Variants in PTPN21 observed in about 807,000 individuals in gnomAD.
The protein encoded by PTPN21 is tyrosine-protein phosphatase non-receptor type 21.
A neutral mutation model predicts 131.8 loss-of-function variants in PTPN21; 77 were observed. The ratio of observed to expected loss-of-function variants is 0.58; its 90% CI spans 0.49 to 0.71. PTPN21 has a LOEUF of 0.71. Ranked by LOEUF, PTPN21 falls within the 30% of genes least tolerant of loss-of-function variation. The pLI, the probability that PTPN21 is intolerant of heterozygous loss-of-function variation, is 0.00. For synonymous variants in PTPN21, 715 were observed against 621.3 expected, an observed-to-expected ratio of 1.15 and a Z score of -2.24; for missense variants, 1,552 against 1,527.1, an observed-to-expected ratio of 1.02 and a Z score of -0.27.
chr14:88,480,165 G>A lies in PTPN21; in HGVS notation c.1266C>T (p.Thr422=), dbSNP rs2077629058. The A allele has an allele frequency of 1.2e-6, 2 of 1,613,990 alleles. No homozygotes were observed. Among genetic ancestry groups the A allele is most frequent in the African/African-American group, 1.3e-5 (1 of 74,910 alleles). ...PSPMSSNPSI[T]GSDVMRPDYL... ...AGTCAGGCCTCATGACGTCACTCCC[G>A]GTGATGCTAGGGTTGGACGACATCG... The change falls in exon 13 of 19, where the codon ACC becomes ACT. Residue 422 remains threonine, a synonymous_variant. Transcript: ENST00000556564.
rs1224677311 is a variant in PTPN21, at chr14:88,466,349, C to T, written c.*1788G>A. ...TTCAATTAGTTTTCATTAATATCTT[C>T]TGAGTTTTCCTCTTAGGTGGTTGGT... On this transcript the variant is annotated 3_prime_UTR_variant, in exon 19 of 19. Coordinates refer to ENST00000556564, the MANE Select transcript of PTPN21 (RefSeq NM_007039.4). 1 of 152,070 alleles carries T rather than the reference C, an allele frequency of 6.6e-6. No homozygotes were observed. The highest frequency in any genetic ancestry group is 1.5e-5 in the Non-Finnish European group (1 of 68,006). The allele number at this position is 152,070 out of a possible 1,614,324, so 9.4% of individuals were successfully genotyped here. A position where few individuals can be genotyped will look rare whatever the true frequency, so the allele number is the denominator to read the frequency against.
At chr14:88,508,541 T>C (rs926944000) in intron 3 of PTPN21, among the ~76,000 whole-genome samples, 1 of 152,186 alleles carries the variant, frequency 6.6e-6, no homozygotes, top group African/African-American at 2.4e-5. Flanking sequence ...TCCCAGATTA[T>C]AGTTATTTCA....
At chr14:88,482,613 CAAAAG>C (rs147441767) in intron 12 of PTPN21, among the ~76,000 whole-genome samples, 5,474 of 150,926 alleles carry the variant, frequency 0.036, 324 homozygotes, top group African/African-American at 0.13. Flanking sequence ...AACTCCATCT[CAAAAG>C]AAAAGAAAAG....
chr14:88,507,794 G>T, intron 4 of PTPN21, 129 bp downstream of exon 4: 1 of 524,920 alleles, frequency 1.9e-6, no homozygotes, highest in Non-Finnish European at 3.2e-6. Flanking sequence ...TTAGATAACA[G>T]AATATTTCAC....
intron 1 of PTPN21, among the ~76,000 whole-genome samples, chr14:88,552,980 T>C (rs1488081479): frequency 6.6e-6 from 1 of 152,214 alleles, no homozygotes; most frequent in Non-Finnish European, 1.5e-5. Context: ...TTAAGTAGTG[T>C]AGATGAACAG....
rs936022314 is a variant in PTPN21, at chr14:88,478,856, G to C, written c.2511+64C>G. ...AGCTGAAAAACACGGGACGTGATGA[G>C]TGAAAGAAGCGCCAGGGCGAACGCG... On this transcript the variant is annotated intron_variant, in intron 13 of 18. Coordinates refer to ENST00000556564, the MANE Select transcript of PTPN21 (RefSeq NM_007039.4). 1.9e-5 allele frequency: 22 copies of C among 1,155,172 alleles called. No homozygotes were observed. In the African/African-American group the frequency reaches 3.4e-4, roughly 18 times the overall value. The allele number at this position is 1,155,172 out of a possible 1,614,324, so 71.6% of individuals were successfully genotyped here.
At chr14:88,514,253 A>T (rs1874482052) in intron 3 of PTPN21, among the ~76,000 whole-genome samples, 1 of 152,148 alleles carries the variant, frequency 6.6e-6, no homozygotes. Context: ...AGCTATTTTC[A>T]TATTCACCTG....
chr14:88,508,936 C>A (rs1164446201), intron 3 of PTPN21, among the ~76,000 whole-genome samples: 2 of 152,148 alleles, frequency 1.3e-5, no homozygotes, highest in African/African-American at 2.4e-5. Context: ...GTCAAGTAGA[C>A]CTGAACTCTC....
chr14:88,534,456 G>A (rs2078600453), intron 2 of PTPN21, among the ~76,000 whole-genome samples: 1 of 151,958 alleles, frequency 6.6e-6, no homozygotes, highest in South Asian at 2.1e-4. Flanking sequence ...ATAGGGTAAG[G>A]ATATAGATAT....
chr14:88,544,922 G>A (rs1311721258), intron 2 of PTPN21, among the ~76,000 whole-genome samples: 1 of 152,050 alleles, frequency 6.6e-6, no homozygotes, highest in South Asian at 2.1e-4. Flanking sequence ...CTGTCTCTCG[G>A]ATTCAAGTGA....
Position 88,507,974 on chromosome 14 carries a change from T to A in PTPN21, c.397A>T (p.Ile133Phe). ...ATTGCTTGTTCTAAGGTACAAGGAA[T>A]ACTTCCTTCCAAGATATCTTTCTTC... ...QLKKDILEGS[I>F]PCTLEQAIQL... Residue 133 changes from isoleucine (I) to phenylalanine (F), a missense_variant, in exon 4 of 19, where the codon ATT becomes TTT. Around this residue, in one of 4 missense-constraint regions of PTPN21, gnomAD observed 206 missense variants for 221.6 expected, o/e 0.93. Coordinates refer to ENST00000556564, the MANE Select transcript of PTPN21 (RefSeq NM_007039.4). 6.2e-7 allele frequency: 1 copy of A among 1,608,106 alleles called. No individual in the cohort carries two copies. Among genetic ancestry groups the A allele is most frequent in the Non-Finnish European group, 8.5e-7 (1 of 1,177,302 alleles).
intron 2 of PTPN21, among the ~76,000 whole-genome samples, chr14:88,549,359 A>G (rs766892724): frequency 4.6e-5 from 7 of 152,248 alleles, no homozygotes; most frequent in Non-Finnish European, 7.3e-5. Context: ...TGAACAACCC[A>G]AAGTGTATTC....
intron 2 of PTPN21, among the ~76,000 whole-genome samples, chr14:88,520,235 G>A (rs897863036): frequency 6.6e-6 from 1 of 152,072 alleles, no homozygotes; most frequent in African/African-American, 2.4e-5. Context: ...GGGCAACATG[G>A]CGAAACACTG....
chr14:88,467,834 A>G lies in PTPN21; in HGVS notation c.*303T>C, dbSNP rs368779520. On this transcript the variant is annotated 3_prime_UTR_variant, in exon 19 of 19. Coordinates refer to ENST00000556564, the MANE Select transcript of PTPN21 (RefSeq NM_007039.4). The stretch of plus-strand genomic sequence containing the variant: ...TTGCCCAGCATAGCTTCAGTAAAAT[A>G]GAGAATTGTCTAGAAAATACAATCT... 2.9e-4 allele frequency: 88 copies of G among 298,806 alleles called. No homozygotes were observed. Among genetic ancestry groups the G allele is most frequent in the African/African-American group, 7.8e-4 (35 of 44,616 alleles). The allele number at this position is 298,806 out of a possible 1,614,324, so 18.5% of individuals were successfully genotyped here.
At chr14:88,504,532 C>T in intron 5 of PTPN21, 37 bp from the exon 6 acceptor site, 1 of 1,528,778 alleles carries the variant, frequency 6.5e-7, no homozygotes, top group Non-Finnish European at 9.1e-7. Context: ...TGTGACAATT[C>T]ACCCCAATTT....
intron 2 of PTPN21, among the ~76,000 whole-genome samples, chr14:88,535,559 G>T (rs1004089334): frequency 6.6e-6 from 1 of 152,272 alleles, no homozygotes; most frequent in East Asian, 1.9e-4. Flanking sequence ...GAAGAACTTT[G>T]TAAGTTCTAA....
intron 11 of PTPN21, 28 bp downstream of exon 11, chr14:88,485,754 A>G (rs1359216627): frequency 1.3e-6 from 2 of 1,525,572 alleles, no homozygotes; most frequent in East Asian, 4.5e-5. Context: ...TAAAATAAAA[A>G]AGCAATCATA....
chr14:88,532,646 G>A (rs760709792), intron 2 of PTPN21, among the ~76,000 whole-genome samples: 4 of 151,824 alleles, frequency 2.6e-5, no homozygotes, highest in Non-Finnish European at 4.4e-5. Context: ...TACTTTTAAT[G>A]AGTTTAGCGA....
chr14:88,528,924 G>A (rs992915943), intron 2 of PTPN21, among the ~76,000 whole-genome samples: 2 of 152,164 alleles, frequency 1.3e-5, no homozygotes, highest in Non-Finnish European at 2.9e-5. Flanking sequence ...TATCATCAGT[G>A]AATAGAGACG....
Sources: gnomAD v4.1 joint callset for allele counts (sites outside exome capture counted in the v4.1 genomes callset) on GRCh38, gnomAD v4.1.1 for gene constraint, gnomAD v4.1.1 regional missense constraint, MANE v1.5 for transcripts, NCBI Gene and HGNC (gene_info 2026-07-23, HGNC 2026-07-21) for gene names.